The following MICAL3 variants were observed in gnomAD, a reference collection of about 807,000 sequenced individuals.
The protein encoded by MICAL3 is [F-actin]-monooxygenase MICAL3.
MICAL3 carries 62 observed loss-of-function variants against 207.4 expected under a neutral mutation model. The ratio of observed to expected loss-of-function variants is 0.30; its 90% confidence interval spans 0.24 to 0.37. MICAL3 has a LOEUF of 0.37. Ranked by LOEUF, MICAL3 falls within the 10% of genes least tolerant of loss-of-function variation. The probability of loss-of-function intolerance (pLI) is 1.00; values close to 1 mark genes in which losing one functional copy is unlikely to be tolerated. For missense variants in MICAL3, 2,368 were observed against 2,635.6 expected (o/e 0.90, Z 2.22); for synonymous variants, 1,077 against 1,069.3 (o/e 1.01, Z -0.14).
At chr22:17,885,246 G>T (rs1929767165) in intron 16 of MICAL3, among the ~76,000 whole-genome samples, 1 of 152,142 alleles carries the variant, frequency 6.6e-6, no homozygotes, top group Admixed American at 6.5e-5. Context: ...ACACACAAAA[G>T]AAGCTTTATC....
chr22:17,871,869 C>T lies in MICAL3; in HGVS notation c.2396G>A (p.Arg799His), dbSNP rs767797750. Reference sequence around the variant, plus strand: ...GATGTCGTAGGCGTAGGCCGAGAGGCGCAGGGTGGTGGCGCAGTACTCGCA... The same window carrying T: ...GATGTCGTAGGCGTAGGCCGAGAGGTGCAGGGTGGTGGCGCAGTACTCGCA... ...FKCEYCATTL[R>H]LSAYAYDIED... is the part of the protein sequence containing the mutation. The change falls in exon 17 of 32, where the codon CGC (arginine) becomes CAC (histidine). Residue 799 changes from arginine (R) to histidine (H), a missense_variant. By Grantham distance (29) the Arg-to-His change is conservative (BLOSUM62 0). This residue lies in a region of MICAL3 where 1,770 missense variants were observed against 1,863.2 expected (regional missense o/e 0.95). Coordinates refer to ENST00000441493, the MANE Select transcript of MICAL3 (RefSeq NM_015241.3). The T allele has an allele frequency of 2.7e-5, 43 of 1,610,310 alleles. No homozygotes were observed. The highest frequency in any genetic ancestry group is 3.6e-5 in the Non-Finnish European group (43 of 1,178,574).
rs144184726 is a variant in MICAL3, at chr22:17,984,425, G to T, written c.-75+39856C>A. On this transcript the variant is annotated intron_variant, in intron 1 of 31. Coordinates refer to ENST00000441493, the MANE Select transcript of MICAL3 (RefSeq NM_015241.3). ...GAGACTCGGAGAGATAAAGACACTGGTCCAAGATTACGCAGACACCGATGC... is the reference window on the plus strand; with the variant it reads ...GAGACTCGGAGAGATAAAGACACTGTTCCAAGATTACGCAGACACCGATGC... 5.1e-3 allele frequency among the ~76,000 whole-genome samples: 781 copies of T among 152,330 alleles called. 1 individual carries two copies. The highest frequency in any genetic ancestry group is 8.2e-3 in the Non-Finnish European group (559 of 68,036).
intron 1 of MICAL3, among the ~76,000 whole-genome samples, chr22:17,938,913 C>T (rs1032334653): frequency 6.6e-6 from 1 of 152,174 alleles, no homozygotes; most frequent in African/African-American, 2.4e-5. Context: ...CTACCATGTA[C>T]AGTATACAAA....
chr22:17,953,557 G>A (rs1217469512), intron 1 of MICAL3, among the ~76,000 whole-genome samples: 1 of 152,072 alleles, frequency 6.6e-6, no homozygotes, highest in East Asian at 1.9e-4. Context: ...GGGACATGGG[G>A]GCTATAGGGG....
chr22:17,911,705 G>A (rs1364762095), intron 1 of MICAL3, among the ~76,000 whole-genome samples: 1 of 152,076 alleles, frequency 6.6e-6, no homozygotes, highest in South Asian at 2.1e-4. Context: ...GGTGGCATTC[G>A]CCTGTGGTCC....
Position 17,877,502 on chromosome 22 carries a change from T to G in MICAL3, c.2242-5479A>C, listed in dbSNP as rs1354995342. 8.6e-5 allele frequency among the ~76,000 whole-genome samples: 11 copies of G among 127,404 alleles called. 1 individual carries two copies. The highest frequency in any genetic ancestry group is 1.5e-4 in the Admixed American group (2 of 13,268). 83.6% of individuals were successfully genotyped at this position (127,404 alleles called of 152,430 possible). Reference sequence around the variant, plus strand: ...GGGAGGTTATGGAGGTTAGGGAGGTTATGGAGGTTAGGGAGGTTAGGGAGG... The same window carrying G: ...GGGAGGTTATGGAGGTTAGGGAGGTGATGGAGGTTAGGGAGGTTAGGGAGG... On this transcript the variant is annotated intron_variant, in intron 16 of 31. Transcript: ENST00000441493.
chr22:17,871,817 G>A lies in MICAL3; in HGVS notation c.2428+20C>T, dbSNP rs765168379. 8.2e-6 allele frequency: 13 copies of A among 1,582,764 alleles called. No individual in the cohort carries two copies. The highest frequency in any genetic ancestry group is 6.9e-5 in the East Asian group (3 of 43,556). On this transcript the variant is annotated intron_variant, in intron 17 of 31. Coordinates refer to ENST00000441493, the MANE Select transcript of MICAL3 (RefSeq NM_015241.3). Reference sequence around the variant, plus strand: ...CCAAGCACAGTTTCTCAGTGGGGCCGGAGGCGCAGGGTGTCTCACCATCCT... The same window carrying A: ...CCAAGCACAGTTTCTCAGTGGGGCCAGAGGCGCAGGGTGTCTCACCATCCT...
chr22:17,833,355 T>C (rs1212890292), intron 20 of MICAL3, among the ~76,000 whole-genome samples: 2 of 152,228 alleles, frequency 1.3e-5, no homozygotes, highest in African/African-American at 4.8e-5. Flanking sequence ...GTTAAAGCCA[T>C]GGCCCGACCT....
intron 7 of MICAL3, 142 bp downstream of exon 7, chr22:17,899,306 T>C (rs1248355429): frequency 2.8e-6 from 2 of 710,890 alleles, no homozygotes; most frequent in South Asian, 3.0e-5. Context: ...CACGCTAAAC[T>C]GGAAAACATC....
At chr22:17,883,813 C>A (rs1490594125) in intron 16 of MICAL3, among the ~76,000 whole-genome samples, 1 of 152,164 alleles carries the variant, frequency 6.6e-6, no homozygotes, top group Non-Finnish European at 1.5e-5. Flanking sequence ...AAAACAAACA[C>A]AAACTCATAG....
chr22:17,927,041 T>C (rs1320650827), intron 1 of MICAL3, among the ~76,000 whole-genome samples: 3 of 152,212 alleles, frequency 2.0e-5, no homozygotes, highest in Non-Finnish European at 4.4e-5. Flanking sequence ...TCCAGAACTT[T>C]TTTGTCATCC....
chr22:17,962,410 A>G (rs145736842), intron 1 of MICAL3, among the ~76,000 whole-genome samples: 261 of 152,256 alleles, frequency 1.7e-3, no homozygotes, highest in Non-Finnish European at 3.1e-3. Flanking sequence ...AGCGCTGCAC[A>G]GGCAGGCAGC....
chr22:17,880,086 G>A (rs1335600443), intron 16 of MICAL3, among the ~76,000 whole-genome samples: 1 of 152,166 alleles, frequency 6.6e-6, no homozygotes, highest in Non-Finnish European at 1.5e-5. Flanking sequence ...ACGTGCGGGT[G>A]GAAAAACAGC....
chr22:17,913,868 C>T (rs964584207), intron 1 of MICAL3, among the ~76,000 whole-genome samples: 2 of 152,106 alleles, frequency 1.3e-5, no homozygotes, highest in Non-Finnish European at 2.9e-5. Flanking sequence ...TAGCGAGGCA[C>T]CCAATAAACA....
At chr22:17,850,888 C>A (rs999827470) in intron 19 of MICAL3, among the ~76,000 whole-genome samples, 1 of 152,120 alleles carries the variant, frequency 6.6e-6, no homozygotes, top group Non-Finnish European at 1.5e-5. Flanking sequence ...GTGTGTCATG[C>A]GGCTCTCCTG....
chr22:17,857,958 CCTT>C (rs1322402955), intron 19 of MICAL3, among the ~76,000 whole-genome samples: 2 of 152,188 alleles, frequency 1.3e-5, no homozygotes, highest in Non-Finnish European at 2.9e-5. Context: ...TGCCCACTGT[CCTT>C]CTTGGAGACC....
intron 19 of MICAL3, among the ~76,000 whole-genome samples, chr22:17,843,052 C>T (rs928382532): frequency 8.1e-4 from 114 of 140,894 alleles, no homozygotes; most frequent in African/African-American, 2.7e-3. Flanking sequence ...ACCTGGGAGG[C>T]GGAGCTTGCA....
rs532699674 is a variant in MICAL3, at chr22:17,927,086, C to T, written c.-74-20200G>A. Among the ~76,000 whole-genome samples the T allele has an allele frequency of 5.6e-4, 86 of 152,300 alleles. 2 individuals carry two copies. The highest frequency in any genetic ancestry group is 4.1e-4 in the South Asian group (2 of 4,822). On this transcript the variant is annotated intron_variant, in intron 1 of 31. Coordinates refer to ENST00000441493, the MANE Select transcript of MICAL3 (RefSeq NM_015241.3). The stretch of plus-strand genomic sequence containing the variant: ...ACTCTGTACCCATTAAACACTGGCT[C>T]CCCATTTCCCCTTCCTCAGCCCATG...
At chr22:18,018,473 C>T (rs1447980768) in intron 1 of MICAL3, among the ~76,000 whole-genome samples, 1 of 152,090 alleles carries the variant, frequency 6.6e-6, no homozygotes, top group African/African-American at 2.4e-5. Flanking sequence ...CCTGTAATCC[C>T]AGCACTTTGG....
Sources: allele counts gnomAD v4.1 joint callset (sites outside exome capture counted in the v4.1 genomes callset), GRCh38; gene constraint gnomAD v4.1.1; regional missense constraint gnomAD v4.1.1; transcripts MANE v1.5; gene names NCBI Gene and HGNC (gene_info 2026-07-23, HGNC 2026-07-21).